The following MGAT5 variants were observed in gnomAD, a reference collection of about 807,000 sequenced individuals.
MGAT5 encodes alpha-1,6-mannosylglycoprotein 6-beta-N-acetylglucosaminyltransferase A.
MGAT5 carries 30 observed loss-of-function variants against 94.3 expected under a neutral mutation model. The ratio of observed to expected loss-of-function variants is 0.32; its 90% confidence interval spans 0.24 to 0.43. The LOEUF (loss-of-function observed/expected upper bound fraction) is 0.43, where lower values mean the gene tolerates loss of function less well. Ranked by LOEUF, MGAT5 falls within the 20% of genes least tolerant of loss-of-function variation. The probability of loss-of-function intolerance (pLI) is 1.00; values close to 1 mark genes in which losing one functional copy is unlikely to be tolerated. For synonymous variants in MGAT5, 310 were observed against 322.9 expected, an observed-to-expected ratio of 0.96 and a Z score of 0.43; for missense variants, 691 against 905.5, an observed-to-expected ratio of 0.76 and a Z score of 3.04.
intron 7 of MGAT5, among the ~76,000 whole-genome samples, chr2:134,343,987 G>A (rs1193816582): frequency 6.6e-6 from 1 of 152,164 alleles, no homozygotes; most frequent in Non-Finnish European, 1.5e-5. Flanking sequence ...TTCATAAACA[G>A]GGGAGAGGAA....
chr2:134,189,539 G>A (rs953018855), intron 1 of MGAT5, among the ~76,000 whole-genome samples: 4 of 148,540 alleles, frequency 2.7e-5, no homozygotes, highest in African/African-American at 1.0e-4. Flanking sequence ...CTAATCCAAT[G>A]TCAGGTTGGG....
At chr2:134,229,456 T>C (rs78378842) in intron 1 of MGAT5, among the ~76,000 whole-genome samples, 2,403 of 152,340 alleles carry the variant, frequency 0.016, 41 homozygotes, top group East Asian at 0.1. Flanking sequence ...CTGGTTCCTG[T>C]ATTAATTAAT....
chr2:134,120,886 C>T (rs1463477916), intron 1 of MGAT5, among the ~76,000 whole-genome samples: 1 of 151,898 alleles, frequency 6.6e-6, no homozygotes, highest in Admixed American at 6.5e-5. Flanking sequence ...CCCGGGGGCG[C>T]CCCGGCTGTT....
intron 1 of MGAT5, chr2:134,120,359 A>G (rs1685506561): frequency 2.6e-6 from 1 of 380,888 alleles, no homozygotes; most frequent in African/African-American, 2.1e-5. Flanking sequence ...TGATGCGCGC[A>G]GAGGGGACCG....
chr2:134,421,001 C>T (rs568112356), intron 12 of MGAT5, among the ~76,000 whole-genome samples: 1 of 152,228 alleles, frequency 6.6e-6, no homozygotes, highest in East Asian at 1.9e-4. Flanking sequence ...TATGGTCAGC[C>T]TTTTTACTTA....
chr2:134,206,629 A>T (rs1243816000), intron 1 of MGAT5, among the ~76,000 whole-genome samples: 2 of 152,200 alleles, frequency 1.3e-5, no homozygotes, highest in Admixed American at 1.3e-4. Flanking sequence ...TGCAGATGTG[A>T]TTAAGCACCT....
intron 2 of MGAT5, among the ~76,000 whole-genome samples, chr2:134,281,448 G>C (rs1465904955): frequency 6.6e-6 from 1 of 152,160 alleles, no homozygotes; most frequent in Non-Finnish European, 1.5e-5. Flanking sequence ...TATTGGTTGC[G>C]CTCATGTCTT....
intron 4 of MGAT5, among the ~76,000 whole-genome samples, chr2:134,332,620 G>A (rs375003984): frequency 0.16 from 23,931 of 151,982 alleles, 2,063 homozygotes; most frequent in Middle Eastern, 0.36. Flanking sequence ...CTTCTGCACA[G>A]CAAAAGAAAC....
intron 1 of MGAT5, among the ~76,000 whole-genome samples, chr2:134,157,759 G>A (rs1687543131): frequency 6.6e-6 from 1 of 152,062 alleles, no homozygotes; most frequent in South Asian, 2.1e-4. Flanking sequence ...TGGGGGTGAT[G>A]GGAGACAGTG....
chr2:134,379,260 A>G (rs1681387233), intron 10 of MGAT5, among the ~76,000 whole-genome samples: 1 of 152,244 alleles, frequency 6.6e-6, no homozygotes, highest in East Asian at 1.9e-4. Context: ...TTTGTTCTGC[A>G]TATTTTATCA....
chr2:134,133,712 A>T (rs1344983486), intron 1 of MGAT5, among the ~76,000 whole-genome samples: 1 of 152,176 alleles, frequency 6.6e-6, no homozygotes, highest in Non-Finnish European at 1.5e-5. Flanking sequence ...AGGGGAGGAA[A>T]CCTCAAATCC....
In MGAT5 at chr2:134,343,824, C is replaced by A. The variant is rs574806552; in HGVS notation, c.978-1106C>A. On this transcript the variant is annotated intron_variant, in intron 7 of 15. Coordinates refer to ENST00000281923, the MANE Select transcript of MGAT5 (RefSeq NM_002410.5). Reference sequence around the variant, plus strand: ...ACAGCCATGCCTATTGTTTACGTATCATATATAGCTGTCTTCATTCCACAA... The same window carrying A: ...ACAGCCATGCCTATTGTTTACGTATAATATATAGCTGTCTTCATTCCACAA... 2.6e-5 allele frequency among the ~76,000 whole-genome samples: 4 copies of A among 152,228 alleles called. No individual in the cohort carries two copies. The South Asian group carries it at 8.3e-4, about 32-fold the overall frequency.
intron 4 of MGAT5, among the ~76,000 whole-genome samples, chr2:134,320,913 C>T (rs1047796173): frequency 3.9e-5 from 6 of 152,076 alleles, no homozygotes; most frequent in Admixed American, 2.0e-4. Context: ...CAACCGGGCT[C>T]CATGATTTTT....
chr2:134,359,577 T>G (rs888025468), intron 9 of MGAT5, among the ~76,000 whole-genome samples: 1 of 152,230 alleles, frequency 6.6e-6, no homozygotes, highest in African/African-American at 2.4e-5. Context: ...GAGGGATTAC[T>G]AAAAGTACAG....
At chr2:134,264,017 GTTTTTTTTT>G (rs763608726) in intron 1 of MGAT5, among the ~76,000 whole-genome samples, 1 of 108,944 alleles carries the variant, frequency 9.2e-6, no homozygotes, top group African/African-American at 3.9e-5. Context: ...ATGCCATTAG[GTTTTTTTTT>G]TTTTTTTTTT....
At chr2:134,148,081 AAT>A (rs1687006613) in intron 1 of MGAT5, among the ~76,000 whole-genome samples, 1 of 152,216 alleles carries the variant, frequency 6.6e-6, no homozygotes, top group African/African-American at 2.4e-5. Context: ...ACAATGGAAA[AAT>A]ATTGTGATAA....
intron 8 of MGAT5, 58 bp downstream of exon 8, chr2:134,345,122 G>A (rs1688845926): frequency 1.9e-6 from 3 of 1,564,334 alleles, no homozygotes; most frequent in African/African-American, 1.4e-5. Flanking sequence ...AACAAAGGTT[G>A]CATGGTTGTG....
intron 1 of MGAT5, among the ~76,000 whole-genome samples, chr2:134,213,573 C>T (rs925889583): frequency 6.6e-6 from 1 of 152,166 alleles, no homozygotes; most frequent in African/African-American, 2.4e-5. Flanking sequence ...CTTCAGACAC[C>T]AGTCACAAGT....
intron 2 of MGAT5, among the ~76,000 whole-genome samples, chr2:134,283,962 G>GCCCT (rs975600862): frequency 7.9e-5 from 12 of 152,140 alleles, no homozygotes; most frequent in African/African-American, 2.7e-4. Flanking sequence ...GAGACTGTGA[G>GCCCT]CCCTAGTGAA....
Sources: allele counts gnomAD v4.1 joint callset (sites outside exome capture counted in the v4.1 genomes callset), GRCh38; gene constraint gnomAD v4.1.1; transcripts MANE v1.5; gene names NCBI Gene and HGNC (gene_info 2026-07-23, HGNC 2026-07-21).